Variants in ERC1 observed in about 807,000 individuals in gnomAD.
ERC1 encodes RAB6 interacting protein 2.
A neutral mutation model predicts 132.0 loss-of-function variants in ERC1; 56 were observed. The observed-to-expected ratio is 0.42, with a 90% CI of 0.34 to 0.53. The LOEUF is 0.53. Among genes scored for constraint, ERC1 ranks in the 20% least tolerant of loss-of-function variants. ERC1 has a pLI of 0.03. For synonymous variants in ERC1, 478 were observed against 476.1 expected, an observed-to-expected ratio of 1.00 and a Z score of -0.05; for missense variants, 1,202 against 1,349.9, an observed-to-expected ratio of 0.89 and a Z score of 1.72.
rs1334034587 is a variant in ERC1 at position 1,032,593 on chromosome 12, T to C, written c.669+4021T>C. ...TAGGGGAAAAGGGTGTTTAAAATTT[T>C]AGATATGTTTAGTTACAAAGAGCCC... is the stretch of plus-strand genomic sequence containing the variant. On this transcript the variant is annotated intron_variant, in intron 2 of 18. Transcript: ENST00000360905. Among the ~76,000 whole-genome samples the C allele has an allele frequency of 2.0e-5, 3 of 152,292 alleles. No individual in the cohort carries two copies. The East Asian group carries it at 5.8e-4, about 29-fold the overall frequency.
At chr12:1,230,322 T>A (rs974239194) in intron 12 of ERC1, among the ~76,000 whole-genome samples, 29 of 152,182 alleles carry the variant, frequency 1.9e-4, no homozygotes, top group Non-Finnish European at 3.4e-4. Flanking sequence ...CTCCTTTTGA[T>A]TTCTTCTTTG....
chr12:1,161,456 T>A (rs1030094530), intron 8 of ERC1, among the ~76,000 whole-genome samples: 2 of 152,222 alleles, frequency 1.3e-5, no homozygotes, highest in Non-Finnish European at 2.9e-5. Context: ...CTGGTAGAGC[T>A]CTGCATATGA....
intron 15 of ERC1, among the ~76,000 whole-genome samples, chr12:1,333,017 T>TTCGTCCTGATCC (rs144580264): frequency 0.18 from 17,795 of 101,218 alleles, 4,154 homozygotes; most frequent in East Asian, 0.26. Flanking sequence ...TACTTTATAA[T>TTCGTCCTGATCC]TCGTCCTGAT....
chr12:1,001,902 C>T (rs1962399844), intron 1 of ERC1, among the ~76,000 whole-genome samples: 1 of 145,316 alleles, frequency 6.9e-6, no homozygotes, highest in Non-Finnish European at 1.5e-5. Context: ...GCTCTGTTGC[C>T]CAGGCTGGAG....
intron 7 of ERC1, among the ~76,000 whole-genome samples, chr12:1,118,954 G>A (rs1218325548): frequency 6.6e-6 from 1 of 152,164 alleles, no homozygotes; most frequent in African/African-American, 2.4e-5. Context: ...ATAGCTCATT[G>A]CAGCCTGGAA....
At chr12:1,487,326 C>CTTTCT (rs150625523) in intron 18 of ERC1, among the ~76,000 whole-genome samples, 6,105 of 132,632 alleles carry the variant, frequency 0.046, 431 homozygotes, top group African/African-American at 0.16. Context: ...CATCTAGATT[C>CTTTCT]TTTCTTTTCT....
At chr12:1,275,500 AG>A (rs1442459365) in intron 14 of ERC1, among the ~76,000 whole-genome samples, 1 of 152,184 alleles carries the variant, frequency 6.6e-6, no homozygotes, top group Non-Finnish European at 1.5e-5. Flanking sequence ...TAGGAGAGTA[AG>A]GGTAGAAAGG....
At chr12:1,445,438 C>T (rs1161669687) in intron 18 of ERC1, among the ~76,000 whole-genome samples, 5 of 151,874 alleles carry the variant, frequency 3.3e-5, no homozygotes, top group African/African-American at 4.8e-5. Flanking sequence ...ACCAAGCTGG[C>T]GAGGCTGGTC....
chr12:1,454,159 A>G (rs1390383898), intron 18 of ERC1, among the ~76,000 whole-genome samples: 2 of 152,070 alleles, frequency 1.3e-5, no homozygotes, highest in Non-Finnish European at 2.9e-5. Flanking sequence ...ACTCTAAAGG[A>G]TAGTGTCCAG....
At chr12:1,303,130 T>A (rs1217087537) in intron 15 of ERC1, among the ~76,000 whole-genome samples, 2 of 152,162 alleles carry the variant, frequency 1.3e-5, no homozygotes, top group Non-Finnish European at 2.9e-5. Flanking sequence ...GGGTCCTGCC[T>A]CTATCTTGAT....
At chr12:1,353,117 G>A (rs1458470504) in intron 15 of ERC1, among the ~76,000 whole-genome samples, 2 of 146,984 alleles carry the variant, frequency 1.4e-5, no homozygotes, top group Admixed American at 7.0e-5. Flanking sequence ...TGCAAGCTCC[G>A]CCTCCCGGGT....
chr12:1,421,861 CA>C (rs58514480), intron 17 of ERC1, among the ~76,000 whole-genome samples: 8,823 of 127,776 alleles, frequency 0.069, 337 homozygotes, highest in African/African-American at 0.12. Context: ...ACTAAAAATA[CA>C]AAAAAAAAAA....
chr12:1,298,243 T>TA (rs1214575801), intron 15 of ERC1, among the ~76,000 whole-genome samples: 3 of 152,136 alleles, frequency 2.0e-5, no homozygotes, highest in Non-Finnish European at 4.4e-5. Context: ...ACAAAAATTT[T>TA]AAAAACCCTG....
intron 13 of ERC1, among the ~76,000 whole-genome samples, chr12:1,252,806 T>C (rs887573779): frequency 6.6e-6 from 1 of 152,202 alleles, no homozygotes; most frequent in African/African-American, 2.4e-5. Context: ...ACTTCATCAG[T>C]GCATCTGGCT....
chr12:1,394,867 C>T (rs974059091), intron 16 of ERC1, among the ~76,000 whole-genome samples: 2 of 152,208 alleles, frequency 1.3e-5, no homozygotes, highest in Non-Finnish European at 2.9e-5. Flanking sequence ...GACTAATACA[C>T]TCAGCCACTC....
chr12:1,236,993 C>CT, intron 13 of ERC1, 89 bp downstream of exon 13: 10 of 1,468,656 alleles, frequency 6.8e-6, no homozygotes, highest in South Asian at 1.3e-5. Context: ...TTATCCTCCT[C>CT]TTTTTTCTCT....
chr12:1,110,872 T>G (rs1315576439), intron 5 of ERC1, among the ~76,000 whole-genome samples: 1 of 152,034 alleles, frequency 6.6e-6, no homozygotes, highest in Non-Finnish European at 1.5e-5. Flanking sequence ...CTGGCTAATT[T>G]TTTGTATTTT....
At chr12:1,343,289 A>AT (rs755716030) in intron 15 of ERC1, among the ~76,000 whole-genome samples, 7 of 151,982 alleles carry the variant, frequency 4.6e-5, no homozygotes, top group Non-Finnish European at 8.8e-5. Context: ...CCCAACTAGT[A>AT]TTTTCCCCCC....
intron 7 of ERC1, among the ~76,000 whole-genome samples, chr12:1,134,492 G>A (rs1013022976): frequency 1.6e-4 from 24 of 151,770 alleles, no homozygotes; most frequent in African/African-American, 5.3e-4. Context: ...AACTATAGGT[G>A]TGTGCCACCA....
Sources: allele counts gnomAD v4.1 joint callset (sites outside exome capture counted in the v4.1 genomes callset), GRCh38; gene constraint gnomAD v4.1.1; transcripts MANE v1.5; gene names NCBI Gene and HGNC (gene_info 2026-07-23, HGNC 2026-07-21).